Variants in PKD1L1 observed in about 807,000 individuals in gnomAD.
PKD1L1 encodes the protein polycystin-1-like protein 1.
In PKD1L1, 236 loss-of-function variants were observed where a neutral mutation model predicts 323.4. The ratio of observed to expected loss-of-function variants is 0.73; its 90% confidence interval spans 0.66 to 0.81. The LOEUF (loss-of-function observed/expected upper bound fraction) is 0.81. Among genes scored for constraint, PKD1L1 ranks in the 40% least tolerant of loss-of-function variants. The pLI, the probability that PKD1L1 is intolerant of heterozygous loss-of-function variation, is 0.00. For missense variants in PKD1L1, 3,320 were observed against 3,508.0 expected, an observed-to-expected ratio of 0.95 and a Z score of 1.35; for synonymous variants, 1,344 against 1,335.0, an observed-to-expected ratio of 1.01 and a Z score of -0.15.
intron 56 of PKD1L1, among the ~76,000 whole-genome samples, chr7:47,790,777 GT>G (rs34956850): frequency 0.7 from 102,121 of 146,296 alleles, 35,615 homozygotes; most frequent in Non-Finnish European, 0.73. Flanking sequence ...TCTGTTTTCT[GT>G]TTTTTTTTTT....
intron 26 of PKD1L1, among the ~76,000 whole-genome samples, chr7:47,864,588 C>CTT (rs1349418897): frequency 1.1e-5 from 1 of 90,908 alleles, no homozygotes; most frequent in African/African-American, 6.3e-5. Flanking sequence ...TTCTTTCTTT[C>CTT]TTTCTTTCTT....
Position 47,882,102 on chromosome 7 carries a change from A to G in PKD1L1, c.3266-17T>C. 6.2e-7 allele frequency: 1 copy of G among 1,611,064 alleles called. No individual in the cohort carries two copies. The highest frequency in any genetic ancestry group is 8.5e-7 in the Non-Finnish European group (1 of 1,179,238). ...TGTCCTTAGCTAGGAAGATAAACCA[A>G]GCCAATAGATGTTAAAGAAAAAAAG... On this transcript the variant is annotated splice_polypyrimidine_tract_variant and intron_variant, in intron 19 of 56. Transcript: ENST00000289672.
chr7:47,943,700 G>A (rs1238328726), intron 1 of PKD1L1, among the ~76,000 whole-genome samples, 189 bp from the exon 2 acceptor site: 2 of 152,040 alleles, frequency 1.3e-5, no homozygotes, highest in East Asian at 3.9e-4. Flanking sequence ...CCAAACTCAG[G>A]GTCTGTTTTA....
chr7:47,816,130 CCTCT>C (rs1188489694), intron 46 of PKD1L1, among the ~76,000 whole-genome samples: 1 of 152,208 alleles, frequency 6.6e-6, no homozygotes, highest in South Asian at 2.1e-4. Context: ...AAGACCCAGT[CCTCT>C]CTCTGCACTG....
At chr7:47,812,989 G>T in intron 49 of PKD1L1, 132 bp downstream of exon 49, 1 of 1,063,224 alleles carries the variant, frequency 9.4e-7, no homozygotes, top group Non-Finnish European at 1.4e-6. Context: ...TGGAGCCCCT[G>T]GCAGTGGTGC....
chr7:47,822,594 CAA>C (rs745820560), intron 45 of PKD1L1, among the ~76,000 whole-genome samples: 15,638 of 69,040 alleles, frequency 0.23, 216 homozygotes, highest in South Asian at 0.33. Context: ...GACTCCGTCT[CAA>C]AAAAAAAAAA....
Position 47,803,265 on chromosome 7 carries a change from A to G in PKD1L1, c.7907T>C (p.Met2636Thr), listed in dbSNP as rs1181779424. The change falls in exon 53 of 57, where the codon ATG becomes ACG. Residue 2636 changes from methionine to threonine, a missense_variant. Transcript: ENST00000289672. ...CVYLPGIQNTMASCSSMMRHS... is the reference protein window; with the variant it reads ...CVYLPGIQNTTASCSSMMRHS... Reference sequence around the variant, plus strand: ...GCGCATCATGGAGGAGCAGGATGCCATTGTGTTTTGAATGCCAGGAAGATA... The same window carrying G: ...GCGCATCATGGAGGAGCAGGATGCCGTTGTGTTTTGAATGCCAGGAAGATA... 1 of 1,614,162 alleles carries G rather than the reference A, an allele frequency of 6.2e-7. No individual in the cohort carries two copies. The highest frequency in any genetic ancestry group is 1.1e-5 in the South Asian group (1 of 91,080).
At chr7:47,916,764 C>T (rs1456687863) in intron 7 of PKD1L1, among the ~76,000 whole-genome samples, 1 of 152,158 alleles carries the variant, frequency 6.6e-6, no homozygotes, top group African/African-American at 2.4e-5. Context: ...AAGCCACATC[C>T]ATAGGAAAAG....
At chr7:47,812,979 TGGA>T in intron 49 of PKD1L1, 139 bp downstream of exon 49, 1 of 950,546 alleles carries the variant, frequency 1.1e-6, no homozygotes, top group Non-Finnish European at 1.6e-6. Context: ...CAAGTCTGGC[TGGA>T]GCCCCTGGCA....
At chr7:47,865,519 A>G (rs972312900) in intron 25 of PKD1L1, among the ~76,000 whole-genome samples, 3 of 149,886 alleles carry the variant, frequency 2.0e-5, no homozygotes, top group Non-Finnish European at 4.4e-5. Context: ...CAGGGAACTG[A>G]CACGAGGGCT....
chr7:47,904,720 G>T, intron 11 of PKD1L1, 103 bp from the exon 12 acceptor site: 5 of 1,331,336 alleles, frequency 3.8e-6, no homozygotes, highest in East Asian at 4.9e-5. Flanking sequence ...AGGCGGGGGA[G>T]GGGGAGGCAG....
chr7:47,846,106 G>A (rs576447579), intron 32 of PKD1L1, among the ~76,000 whole-genome samples: 7 of 152,228 alleles, frequency 4.6e-5, no homozygotes, highest in Non-Finnish European at 8.8e-5. Flanking sequence ...GCACTGCTAC[G>A]GTATGATCTG....
At chr7:47,801,877 T>A (rs1217680222) in intron 53 of PKD1L1, among the ~76,000 whole-genome samples, 1 of 152,210 alleles carries the variant, frequency 6.6e-6, no homozygotes, top group Non-Finnish European at 1.5e-5. Flanking sequence ...ATTTATATTC[T>A]GGGCTTTTTT....
In PKD1L1 at chr7:47,857,621, C is replaced by T. The variant is rs1785932823; in HGVS notation, c.4574G>A (p.Ser1525Asn). ...ILFKKNPYPG[S>N]QAPGQIGGVV... Reference sequence around the variant, plus strand: ...AGCTTGTACCTGCCCAGGAGCTTGGCTCCCTGGATATGGGTTCTTCTTGAA... The same window carrying T: ...AGCTTGTACCTGCCCAGGAGCTTGGTTCCCTGGATATGGGTTCTTCTTGAA... Residue 1525 changes from serine to asparagine, a missense_variant, in exon 28 of 57, where the codon AGC becomes AAC. Transcript: ENST00000289672. 1.2e-6 allele frequency: 2 copies of T among 1,613,898 alleles called. No individual in the cohort carries two copies. The highest frequency in any genetic ancestry group is 2.7e-5 in the African/African-American group (2 of 74,942).
In PKD1L1 at chr7:47,943,145, C is replaced by CA. The variant is rs142019299; in HGVS notation, c.160+250dup. ...TGGGTGACAGAGTGAGACTCCGTCT[C>CA]AAAAAAAAAAAAAAAAAAATATATA... On this transcript the variant is annotated intron_variant, in intron 2 of 56. Transcript: ENST00000289672. Among the ~76,000 whole-genome samples the CA allele has an allele frequency of 2.0e-3, 177 of 88,922 alleles. 1 individual carries two copies. The highest frequency in any genetic ancestry group is 8.2e-3 in the Middle Eastern group (1 of 122). 58.3% of individuals were successfully genotyped at this position (88,922 alleles called of 152,430 possible).
chr7:47,831,290 TCCA>T lies in PKD1L1; in HGVS notation c.6397_6399del (p.Trp2133del). The T allele has an allele frequency of 6.2e-7, 1 of 1,614,088 alleles. No homozygotes were observed. Among genetic ancestry groups the T allele is most frequent in the Non-Finnish European group, 8.5e-7 (1 of 1,179,996 alleles). ...CCACAAATGGCCCACACTGCAGAGC[TCCA>T]CCAAGGCTGAAGGGCCCTTGACCAC... On this transcript the variant is annotated inframe_deletion, in exon 42 of 57. Transcript: ENST00000289672.
intron 46 of PKD1L1, among the ~76,000 whole-genome samples, chr7:47,816,484 C>T (rs753437706): frequency 2.0e-5 from 3 of 152,250 alleles, no homozygotes; most frequent in East Asian, 1.9e-4. Context: ...AGTGTTCCTA[C>T]GAGAAAGCAA....
upstream of PKD1L1, among the ~76,000 whole-genome samples, chr7:47,952,539 T>C (rs1222058237): frequency 6.6e-6 from 1 of 152,198 alleles, no homozygotes; most frequent in Admixed American, 6.5e-5. Flanking sequence ...AGAAATCTCA[T>C]GCCCAGAAGA....
chr7:47,940,144 T>G (rs895935649), intron 3 of PKD1L1, 49 bp downstream of exon 3: 8 of 1,612,184 alleles, frequency 5.0e-6, no homozygotes, highest in Non-Finnish European at 6.8e-6. Flanking sequence ...GTACTGTACA[T>G]GTACTGTATT....
Sources: gnomAD v4.1 joint callset for allele counts (sites outside exome capture counted in the v4.1 genomes callset) on GRCh38, gnomAD v4.1.1 for gene constraint, MANE v1.5 for transcripts, NCBI Gene and HGNC (gene_info 2026-07-23, HGNC 2026-07-21) for gene names.